The following EN2 variants were observed in gnomAD, a reference collection of about 807,000 sequenced individuals.
EN2 encodes the protein homeobox protein engrailed-2.
A neutral mutation model predicts 25.0 loss-of-function variants in EN2; 7 were observed. The observed-to-expected ratio is 0.28, with a 90% CI of 0.16 to 0.53. The LOEUF (loss-of-function observed/expected upper bound fraction) is 0.53, where lower values mean the gene tolerates loss of function less well. Among genes scored for constraint, EN2 ranks in the 20% least tolerant of loss-of-function variants. The pLI is 0.96. For synonymous variants in EN2, 277 were observed against 243.3 expected, an observed-to-expected ratio of 1.14 and a Z score of -1.29; for missense variants, 524 against 501.8, an observed-to-expected ratio of 1.04 and a Z score of -0.42.
Position 155,462,431 on chromosome 7 carries a change from C to A in EN2, c.746C>A (p.Thr249Lys). The A allele has an allele frequency of 2.5e-6, 4 of 1,614,088 alleles. No individual in the cohort carries two copies. Among genetic ancestry groups the A allele is most frequent in the Non-Finnish European group, 3.4e-6 (4 of 1,180,038 alleles). The change falls in exon 2 of 2, where the codon ACG (threonine) becomes AAG (lysine). Residue 249 changes from threonine (T) to lysine (K), a missense_variant. Coordinates refer to ENST00000297375, the MANE Select transcript of EN2 (RefSeq NM_001427.4). ...NPNKEDKRPRTAFTAEQLQRL... is the reference protein window; with the variant it reads ...NPNKEDKRPRKAFTAEQLQRL... ...AACAAAGAGGACAAGCGGCCGCGCACGGCCTTTACCGCCGAGCAGCTGCAG... is the reference window on the plus strand; with the variant it reads ...AACAAAGAGGACAAGCGGCCGCGCAAGGCCTTTACCGCCGAGCAGCTGCAG...
chr7:155,461,748 G>GA (rs1257371960), intron 1 of EN2, among the ~76,000 whole-genome samples: 1 of 152,200 alleles, frequency 6.6e-6, no homozygotes, highest in Non-Finnish European at 1.5e-5. Flanking sequence ...TACATGCACT[G>GA]ACTCTTCCTT....
chr7:155,462,253 C>T (rs1795704908), intron 1 of EN2, 118 bp from the exon 2 acceptor site: 1 of 1,190,658 alleles, frequency 8.4e-7, no homozygotes, highest in Non-Finnish European at 1.2e-6. Flanking sequence ...GCGGTTCAGC[C>T]TCGAGTGGCC....
chr7:155,464,406 G>A lies in EN2; in HGVS notation c.*1719G>A, dbSNP rs939074223. ...ACACGGCTGAGCTGGGAGTCCCGCT[G>A]GTCTCCCTGAGGACTGAGGGTGAAC... is the stretch of plus-strand genomic sequence containing the variant. On this transcript the variant is annotated 3_prime_UTR_variant, in exon 2 of 2. Transcript: ENST00000297375. 20 of 152,692 alleles carry A rather than the reference G, an allele frequency of 1.3e-4. No homozygotes were observed. Among genetic ancestry groups the A allele is most frequent in the African/African-American group, 4.6e-4 (19 of 41,558 alleles). The allele number at this position is 152,692 out of a possible 1,614,324, so 9.5% of individuals were successfully genotyped here.
intron 1 of EN2, among the ~76,000 whole-genome samples, chr7:155,460,058 G>T (rs1179596919): frequency 1.3e-5 from 2 of 152,176 alleles, no homozygotes; most frequent in African/African-American, 4.8e-5. Flanking sequence ...TTTTGCGGGG[G>T]TCATTTGCCC....
At position 155,458,915 on chromosome 7, in the gene EN2, T is replaced by C; in HGVS notation, c.538T>C (p.Ser180Pro). 1 of 1,512,940 alleles carries C rather than the reference T, an allele frequency of 6.6e-7. No homozygotes were observed. The highest frequency in any genetic ancestry group is 2.0e-5 in the Admixed American group (1 of 49,010). The allele number at this position is 1,512,940 out of a possible 1,614,324, so 93.7% of individuals were successfully genotyped here. A position where few individuals can be genotyped will look rare whatever the true frequency, so the allele number is the denominator to read the frequency against. Residue 180 changes from serine (S) to proline (P), a missense_variant, in exon 1 of 2, where the codon TCG becomes CCG. By Grantham distance (74) the Ser-to-Pro change is moderately conservative. Coordinates refer to ENST00000297375, the MANE Select transcript of EN2 (RefSeq NM_001427.4). The stretch of plus-strand genomic sequence containing the variant: ...CGACCCCGGCGGCCCCCTGGACGGG[T>C]CGCTCAAGGCCCGCGGCTTGGGCGG... ...GGDPGGPLDG[S>P]LKARGLGGGD...
In EN2 at chr7:155,462,574, G is replaced by T; in HGVS notation, c.889G>T (p.Ala297Ser). 1 of 1,614,116 alleles carries T rather than the reference G, an allele frequency of 6.2e-7. No individual in the cohort carries two copies. The highest frequency in any genetic ancestry group is 8.5e-7 in the Non-Finnish European group (1 of 1,180,026). The change falls in exon 2 of 2, where the codon GCC becomes TCC. Residue 297 changes from alanine (A) to serine (S), a missense_variant. Coordinates refer to ENST00000297375, the MANE Select transcript of EN2 (RefSeq NM_001427.4). ...QIKIWFQNKR[A>S]KIKKATGNKN... ...CAAGATTTGGTTCCAGAACAAGCGCGCCAAGATCAAGAAGGCCACGGGCAA... is the reference window on the plus strand; with the variant it reads ...CAAGATTTGGTTCCAGAACAAGCGCTCCAAGATCAAGAAGGCCACGGGCAA...
chr7:155,462,441 C>A lies in EN2; in HGVS notation c.756C>A (p.Thr252=), dbSNP rs760858656. Residue 252 remains threonine (T), a synonymous_variant, in exon 2 of 2, where the codon ACC becomes ACA. Coordinates refer to ENST00000297375, the MANE Select transcript of EN2 (RefSeq NM_001427.4). ...ACAAGCGGCCGCGCACGGCCTTTAC[C>A]GCCGAGCAGCTGCAGAGGCTCAAGG... The part of the protein sequence containing the change: ...KEDKRPRTAF[T]AEQLQRLKAE... 6 of 1,614,136 alleles carry A rather than the reference C, an allele frequency of 3.7e-6. No homozygotes were observed. The South Asian group carries it at 4.4e-5, about 12-fold the overall frequency.
rs1273240502 is a variant in EN2 at position 155,458,916 on chromosome 7, C to T, written c.539C>T (p.Ser180Leu). The change falls in exon 1 of 2, where the codon TCG becomes TTG. Residue 180 changes from serine (S) to leucine (L), a missense_variant. Ser to Leu is a moderately radical substitution (Grantham distance 145). Coordinates refer to ENST00000297375, the MANE Select transcript of EN2 (RefSeq NM_001427.4). ...GGDPGGPLDG[S>L]LKARGLGGGD... Reference sequence around the variant, plus strand: ...GACCCCGGCGGCCCCCTGGACGGGTCGCTCAAGGCCCGCGGCTTGGGCGGC... The same window carrying T: ...GACCCCGGCGGCCCCCTGGACGGGTTGCTCAAGGCCCGCGGCTTGGGCGGC... The T allele has an allele frequency of 4.6e-6, 7 of 1,513,224 alleles. No individual in the cohort carries two copies. The highest frequency in any genetic ancestry group is 1.2e-5 in the South Asian group (1 of 82,270). 93.7% of individuals were successfully genotyped at this position (1,513,224 alleles called of 1,614,324 possible).
intron 1 of EN2, 99 bp from the exon 2 acceptor site, chr7:155,462,272 G>A (rs2116603407): frequency 7.2e-7 from 1 of 1,382,364 alleles, no homozygotes; most frequent in Non-Finnish European, 9.8e-7. Flanking sequence ...CCTTGGGCGA[G>A]TCACTTCCCT....
intron 1 of EN2, among the ~76,000 whole-genome samples, chr7:155,461,171 G>A (rs1795690595): frequency 6.6e-6 from 1 of 152,304 alleles, no homozygotes; most frequent in Admixed American, 6.5e-5. Flanking sequence ...CGGCCCTGAA[G>A]GGTGGGGGGC....
At chr7:155,460,578 A>G (rs1298541919) in intron 1 of EN2, among the ~76,000 whole-genome samples, 1 of 152,198 alleles carries the variant, frequency 6.6e-6, no homozygotes, top group Non-Finnish European at 1.5e-5. Context: ...GGGCTGCTTC[A>G]TGAGTGCATT....
chr7:155,458,350 A>T lies in EN2; in HGVS notation c.-28A>T. 1 of 1,283,792 alleles carries T rather than the reference A, an allele frequency of 7.8e-7. No individual in the cohort carries two copies. The allele number at this position is 1,283,792 out of a possible 1,614,324, so 79.5% of individuals were successfully genotyped here. A position where few individuals can be genotyped will look rare whatever the true frequency, so the allele number is the denominator to read the frequency against. On this transcript the variant is annotated 5_prime_UTR_variant, in exon 1 of 2. Transcript: ENST00000297375. ...CTGATTTGGAAGGGCGTCCCCGGAG[A>T]ACCAGTGTGGGATTTACTGTGAACA...
In EN2 at chr7:155,462,847, G is replaced by T; in HGVS notation, c.*160G>T. 1.2e-6 allele frequency: 1 copy of T among 867,846 alleles called. No individual in the cohort carries two copies. 53.8% of individuals were successfully genotyped at this position (867,846 alleles called of 1,614,324 possible). On this transcript the variant is annotated 3_prime_UTR_variant, in exon 2 of 2. Transcript: ENST00000297375. ...TTCTATGTATATATCATTTACAGGT[G>T]GTATAAAATCCAAAATATCTGACTA... is the stretch of plus-strand genomic sequence containing the variant.
chr7:155,458,934 T>C lies in EN2; in HGVS notation c.557T>C (p.Leu186Ser). 6 of 1,517,236 alleles carry C rather than the reference T, an allele frequency of 4.0e-6. No individual in the cohort carries two copies. The highest frequency in any genetic ancestry group is 5.3e-6 in the Non-Finnish European group (6 of 1,140,082). 94.0% of individuals were successfully genotyped at this position (1,517,236 alleles called of 1,614,324 possible). A position where few individuals can be genotyped will look rare whatever the true frequency, so the allele number is the denominator to read the frequency against. Residue 186 changes from leucine (L) to serine (S), a missense_variant, in exon 1 of 2, where the codon TTG becomes TCG. By Grantham distance (145) the Leu-to-Ser change is moderately radical. Transcript: ENST00000297375. ...PLDGSLKARGLGGGDLSVSSD... is the reference protein window; with the variant it reads ...PLDGSLKARGSGGGDLSVSSD... The stretch of plus-strand genomic sequence containing the variant: ...GACGGGTCGCTCAAGGCCCGCGGCT[T>C]GGGCGGCGGCGACCTGTCGGTGAGC...
chr7:155,458,839 G>C lies in EN2; in HGVS notation c.462G>C (p.Gly154=). The C allele has an allele frequency of 6.8e-7, 1 of 1,473,532 alleles. No homozygotes were observed. Among genetic ancestry groups the C allele is most frequent in the Non-Finnish European group, 8.9e-7 (1 of 1,121,498 alleles). The allele number at this position is 1,473,532 out of a possible 1,614,324, so 91.3% of individuals were successfully genotyped here. The change falls in exon 1 of 2, where the codon GGG becomes GGC. Residue 154 remains glycine (G), a synonymous_variant. Transcript: ENST00000297375. ...PAAGSDSPGD[G]EGGSKTLSLH... ...CCGGCAGCGACTCTCCGGGTGACGG[G>C]GAAGGCGGCTCCAAGACGCTCTCGC...
chr7:155,460,658 CAG>C (rs1021780910), intron 1 of EN2, among the ~76,000 whole-genome samples: 6 of 152,134 alleles, frequency 3.9e-5, no homozygotes, highest in Non-Finnish European at 7.4e-5. Flanking sequence ...GAAACCCAGA[CAG>C]AGATGGGCTC....
intron 1 of EN2, 31 bp downstream of exon 1, chr7:155,459,093 C>A (rs1047639677): frequency 1.4e-5 from 21 of 1,537,436 alleles, no homozygotes; most frequent in Non-Finnish European, 1.6e-5. Context: ...CGTCCCGGCT[C>A]GCCGCGGGGA....
At position 155,462,510 on chromosome 7, in the gene EN2, G is replaced by A; in HGVS notation, c.825G>A (p.Gln275=). Residue 275 remains glutamine, a synonymous_variant, in exon 2 of 2, where the codon CAG becomes CAA. Coordinates refer to ENST00000297375, the MANE Select transcript of EN2 (RefSeq NM_001427.4). Reference sequence around the variant, plus strand: ...GGTACCTGACGGAGCAGCGGCGCCAGAGCCTGGCGCAGGAGCTGAGCCTCA... The same window carrying A: ...GGTACCTGACGGAGCAGCGGCGCCAAAGCCTGGCGCAGGAGCTGAGCCTCA... ...TNRYLTEQRR[Q]SLAQELSLNE... 6.2e-7 allele frequency: 1 copy of A among 1,614,214 alleles called. No homozygotes were observed. Among genetic ancestry groups the A allele is most frequent in the East Asian group, 2.2e-5 (1 of 44,882 alleles).
intron 1 of EN2, among the ~76,000 whole-genome samples, chr7:155,461,321 C>A (rs926873539): frequency 2.0e-5 from 3 of 152,252 alleles, no homozygotes; most frequent in Non-Finnish European, 2.9e-5. Context: ...CTTCTTCCCC[C>A]ACAGGGAACG....
Sources: gnomAD v4.1 joint callset for allele counts (sites outside exome capture counted in the v4.1 genomes callset) on GRCh38, gnomAD v4.1.1 for gene constraint, MANE v1.5 for transcripts, NCBI Gene and HGNC (gene_info 2026-07-23, HGNC 2026-07-21) for gene names.